DOCK2: variants seen among roughly 807,000 people sequenced by gnomAD.
The protein encoded by DOCK2 is dedicator of cytokinesis protein 2.
In DOCK2, 87 loss-of-function variants were observed where a neutral mutation model predicts 248.9. The observed-to-expected ratio is 0.35, with a 90% CI of 0.29 to 0.42. DOCK2 has a LOEUF of 0.42. Ranked by LOEUF, DOCK2 falls within the 10% of genes least tolerant of loss-of-function variation. The pLI is 1.00. For missense variants in DOCK2, 1,747 were observed against 2,300.2 expected, an observed-to-expected ratio of 0.76 and a Z score of 4.92; for synonymous variants, 805 against 821.6, an observed-to-expected ratio of 0.98 and a Z score of 0.35.
At chr5:169,880,567 C>CGAAG (rs1772582712) in intron 27 of DOCK2, among the ~76,000 whole-genome samples, 1 of 152,188 alleles carries the variant, frequency 6.6e-6, no homozygotes, top group Non-Finnish European at 1.5e-5. Context: ...AAGTGGGCTT[C>CGAAG]CAGCTAAGGG....
intron 27 of DOCK2, among the ~76,000 whole-genome samples, chr5:169,924,281 A>G (rs958435971): frequency 6.6e-6 from 1 of 152,180 alleles, no homozygotes; most frequent in Non-Finnish European, 1.5e-5. Context: ...AAGAGACATC[A>G]AGCTTCAAAC....
intron 12 of DOCK2, 114 bp downstream of exon 12, chr5:169,699,572 G>T: frequency 3.0e-6 from 3 of 1,002,738 alleles, no homozygotes; most frequent in Non-Finnish European, 4.4e-6. Flanking sequence ...CTTCCAGACA[G>T]ACCACTGGGA....
rs1581553441 is a variant in DOCK2 at position 170,045,671 on chromosome 5, C to T, written c.3877-145C>T. On this transcript the variant is annotated intron_variant, in intron 38 of 51. Transcript: ENST00000520908. The stretch of plus-strand genomic sequence containing the variant: ...GTCGTCCTCTCTAGGAAGCCCCCGG[C>T]CCCTCTGTATGGGGGTGGATCTGGG... 8.0e-6 allele frequency: 6 copies of T among 749,094 alleles called. No individual in the cohort carries two copies. The East Asian group carries it at 1.5e-4, about 19-fold the overall frequency. 46.4% of individuals were successfully genotyped at this position (749,094 alleles called of 1,614,324 possible). A position where few individuals can be genotyped will look rare whatever the true frequency, so the allele number is the denominator to read the frequency against.
intron 27 of DOCK2, among the ~76,000 whole-genome samples, chr5:169,877,565 G>A (rs1280559732): frequency 6.6e-6 from 1 of 152,184 alleles, no homozygotes. Context: ...AATTAATTTT[G>A]TGGTGAAATA....
chr5:169,717,396 G>A lies in DOCK2; in HGVS notation c.2044G>A (p.Gly682Arg). 1.2e-6 allele frequency: 2 copies of A among 1,613,588 alleles called. No homozygotes were observed. Among genetic ancestry groups the A allele is most frequent in the Admixed American group, 1.7e-5 (1 of 59,990 alleles). Reference protein sequence around the residue: ...LVFDALIYIIGLIADRKFQHF... With the variant: ...LVFDALIYIIRLIADRKFQHF... ...GCATCTTCCTCAGATTTACATAATA[G>A]GACTCATTGCAGACCGGAAATTTCA... Residue 682 changes from glycine to arginine, a missense_variant, in exon 21 of 52, where the codon GGA becomes AGA. Around this residue, in one of 4 missense-constraint regions of DOCK2, gnomAD observed 858 missense variants for 1,183.5 expected, o/e 0.72. Coordinates refer to ENST00000520908, the MANE Select transcript of DOCK2 (RefSeq NM_004946.3).
chr5:169,791,270 T>G (rs1766322003), intron 25 of DOCK2, among the ~76,000 whole-genome samples: 1 of 152,214 alleles, frequency 6.6e-6, no homozygotes. Flanking sequence ...AGGTAGCGAA[T>G]GGCTTGAAGT....
chr5:169,681,981 G>A, intron 7 of DOCK2, 102 bp downstream of exon 7: 5 of 1,498,572 alleles, frequency 3.3e-6, no homozygotes, highest in Non-Finnish European at 4.5e-6. Flanking sequence ...TTATTCAAGG[G>A]GCATCTGTCT....
chr5:169,981,437 C>T (rs756596144), intron 27 of DOCK2, among the ~76,000 whole-genome samples: 3 of 152,184 alleles, frequency 2.0e-5, no homozygotes, highest in Non-Finnish European at 4.4e-5. Flanking sequence ...TCTCTTGGCA[C>T]CATTTTTCCA....
rs909389590 is a variant in DOCK2, at chr5:170,078,824, C to A, written c.4995-151C>A. 3.9e-6 allele frequency: 3 copies of A among 777,238 alleles called. No individual in the cohort carries two copies. In the African/African-American group the frequency reaches 5.2e-5, roughly 13 times the overall value. 48.1% of individuals were successfully genotyped at this position (777,238 alleles called of 1,614,324 possible). On this transcript the variant is annotated intron_variant, in intron 48 of 51. Transcript: ENST00000520908. ...TTTGTGCATTGAGCAAGTTGCTCCC[C>A]AAATCCTCTGCCAGATTTGCTGATC...
chr5:169,949,785 A>G (rs1279813106), intron 27 of DOCK2, among the ~76,000 whole-genome samples: 2 of 147,164 alleles, frequency 1.4e-5, no homozygotes, highest in East Asian at 2.0e-4. Context: ...AAAGGAGCCA[A>G]CTGAGAAGGT....
chr5:169,845,552 A>T (rs922058808), intron 27 of DOCK2, among the ~76,000 whole-genome samples: 2 of 152,166 alleles, frequency 1.3e-5, no homozygotes, highest in Non-Finnish European at 2.9e-5. Flanking sequence ...ATCCCTGAAA[A>T]TGCTGTCATT....
chr5:169,684,422 C>T (rs1435650777), intron 8 of DOCK2, 72 bp downstream of exon 8: 2 of 1,548,802 alleles, frequency 1.3e-6, no homozygotes, highest in Non-Finnish European at 1.8e-6. Flanking sequence ...TTCTTTCCAT[C>T]CTCACTTGTG....
Position 169,764,106 on chromosome 5 carries a change from T to A in DOCK2, c.2554+2481T>A, listed in dbSNP as rs1764636635. On this transcript the variant is annotated intron_variant, in intron 25 of 51. Coordinates refer to ENST00000520908, the MANE Select transcript of DOCK2 (RefSeq NM_004946.3). This position sits in a 1 kb window ranked among gnomAD's most constrained non-coding sequence, Gnocchi z 4.3. The stretch of plus-strand genomic sequence containing the variant: ...GGTGAGTGTGATTCCTCTGGCCAAG[T>A]TTGAGCAGTAATGAAATTCCTCCTG... Among the ~76,000 whole-genome samples, 1 of 152,160 alleles carries A rather than the reference T, an allele frequency of 6.6e-6. No individual in the cohort carries two copies. The highest frequency in any genetic ancestry group is 1.5e-5 in the Non-Finnish European group (1 of 68,014).
rs923208128 is a variant in DOCK2, at chr5:170,027,792, A to G, written c.3382-71A>G. 2.9e-5 allele frequency: 42 copies of G among 1,440,124 alleles called. No individual in the cohort carries two copies. The African/African-American group carries it at 5.5e-4, about 19-fold the overall frequency. The allele number at this position is 1,440,124 out of a possible 1,614,324, so 89.2% of individuals were successfully genotyped here. A position where few individuals can be genotyped will look rare whatever the true frequency, so the allele number is the denominator to read the frequency against. On this transcript the variant is annotated intron_variant, in intron 33 of 51. Transcript: ENST00000520908. ...AGTGCTCCCTAAAGCTTTGGTTGAA[A>G]TAATGAATTGACTAATTTCAGCCCT...
At chr5:169,838,962 A>G (rs1317541328) in intron 26 of DOCK2, among the ~76,000 whole-genome samples, 2 of 152,176 alleles carry the variant, frequency 1.3e-5, no homozygotes, top group African/African-American at 4.8e-5. Context: ...CCCAACTGCA[A>G]ATCTACTTCT....
intron 2 of DOCK2, among the ~76,000 whole-genome samples, chr5:169,654,743 C>G (rs925614155): frequency 2.6e-5 from 4 of 152,246 alleles, no homozygotes; most frequent in African/African-American, 9.6e-5. Context: ...GGCTATTCAG[C>G]CTGTGACTCT....
At chr5:169,935,265 T>C (rs1411959674) in intron 27 of DOCK2, among the ~76,000 whole-genome samples, 1 of 152,108 alleles carries the variant, frequency 6.6e-6, no homozygotes, top group Non-Finnish European at 1.5e-5. Context: ...ATCCTCTCTT[T>C]TGTACATTAT....
rs949497387 is a variant in DOCK2 at position 169,881,258 on chromosome 5, T to C, written c.2799+40406T>C. On this transcript the variant is annotated intron_variant, in intron 27 of 51. Transcript: ENST00000520908. The stretch of plus-strand genomic sequence containing the variant: ...CAGATGTTAACATTTCATAGTTAAA[T>C]ACCTTGTTTTTGCCTCTCTTGACTT... The C allele has an allele frequency of 4.7e-6, 4 of 845,038 alleles. No individual in the cohort carries two copies. In the African/African-American group the frequency reaches 6.8e-5, roughly 14 times the overall value. The allele number at this position is 845,038 out of a possible 1,614,324, so 52.3% of individuals were successfully genotyped here.
Position 169,962,412 on chromosome 5 carries a change from T to A in DOCK2, c.2800-20656T>A, listed in dbSNP as rs372955789. Among the ~76,000 whole-genome samples, 86 of 152,158 alleles carry A rather than the reference T, an allele frequency of 5.7e-4. 1 individual carries two copies. In the East Asian group the frequency reaches 0.011, roughly 19 times the overall value. ...GAGGCAACCGGAAAGTGGGGGAGGA[T>A]GGAGGTTCCATTTCCCAAGAGAAAG... On this transcript the variant is annotated intron_variant, in intron 27 of 51. Transcript: ENST00000520908.
Sources: allele counts gnomAD v4.1 joint callset (sites outside exome capture counted in the v4.1 genomes callset), GRCh38; gene constraint gnomAD v4.1.1; regional missense constraint gnomAD v4.1.1; non-coding constraint Gnocchi (gnomAD v3.1); transcripts MANE v1.5; gene names NCBI Gene and HGNC (gene_info 2026-07-23, HGNC 2026-07-21).